The following LATS1 variants were observed in gnomAD, a reference collection of about 807,000 sequenced individuals.
LATS1 encodes the protein large tumor suppressor kinase 1, also known as serine/threonine-protein kinase LATS1.
Under a neutral mutation model 106.6 loss-of-function variants are expected in LATS1, and 25 were observed. That is an observed-to-expected ratio of 0.23 (90% CI 0.17 to 0.33). LATS1 has a LOEUF of 0.33. Among genes scored for constraint, LATS1 ranks in the 10% least tolerant of loss-of-function variants. LATS1 has a pLI of 1.00. For missense variants in LATS1, 1,040 were observed against 1,382.6 expected (o/e 0.75, Z 3.93); for synonymous variants, 465 against 455.6 (o/e 1.02, Z -0.26).
At chr6:149,682,913 C>A (rs1782134519) in intron 4 of LATS1, 166 bp downstream of exon 4, 2 of 588,242 alleles carry the variant, frequency 3.4e-6, no homozygotes, top group Non-Finnish European at 2.8e-6. Context: ...AAATAAAATG[C>A]TACAATCAAA....
intron 3 of LATS1, among the ~76,000 whole-genome samples, chr6:149,693,410 GA>G (rs978650569): frequency 6.6e-6 from 1 of 151,840 alleles, no homozygotes; most frequent in Non-Finnish European, 1.5e-5. Context: ...AGGAGTTCAA[GA>G]CCAGCATGGC....
At chr6:149,713,626 T>G (rs1429763030) in intron 1 of LATS1, among the ~76,000 whole-genome samples, 1 of 152,042 alleles carries the variant, frequency 6.6e-6, no homozygotes, top group Non-Finnish European at 1.5e-5. Flanking sequence ...CAGCACCATA[T>G]ATGATGCTCA....
intron 7 of LATS1, among the ~76,000 whole-genome samples, chr6:149,673,818 G>C (rs1307929199): frequency 6.6e-6 from 1 of 151,318 alleles, no homozygotes; most frequent in East Asian, 1.9e-4. Flanking sequence ...GGGACTACAG[G>C]TACCAGCCAC....
intron 2 of LATS1, among the ~76,000 whole-genome samples, chr6:149,697,866 G>A (rs1783190121): frequency 6.6e-6 from 1 of 152,140 alleles, no homozygotes; most frequent in South Asian, 2.1e-4. Flanking sequence ...CTCCAGAGAA[G>A]CTGGCATTTA....
At chr6:149,714,553 T>G (rs1582939210) in intron 1 of LATS1, among the ~76,000 whole-genome samples, 2 of 151,814 alleles carry the variant, frequency 1.3e-5, no homozygotes, top group Middle Eastern at 6.8e-3. Context: ...GCCAAAACTT[T>G]TGGAGTTATC....
In LATS1 at chr6:149,684,463, G is replaced by T; in HGVS notation, c.626C>A (p.Thr209Lys). 1 of 1,614,080 alleles carries T rather than the reference G, an allele frequency of 6.2e-7. No homozygotes were observed. The highest frequency in any genetic ancestry group is 8.5e-7 in the Non-Finnish European group (1 of 1,179,978). The change falls in exon 4 of 8, where the codon ACA becomes AAA. Residue 209 changes from threonine (T) to lysine (K), a missense_variant. Coordinates refer to ENST00000543571, the MANE Select transcript of LATS1 (RefSeq NM_004690.4). The stretch of plus-strand genomic sequence containing the variant: ...TCCAGACAAAGGTCTTCCTACATCT[G>T]TCTGTGAGTTGGGACTCTCAGAATG... ...AYHSESPNSQ[T>K]DVGRPLSGSG...
At position 149,680,142 on chromosome 6, in the gene LATS1, C is replaced by G; in HGVS notation, c.2326G>C (p.Asp776His). The stretch of plus-strand genomic sequence containing the variant: ...TAGTCCATTACAAAGTATAAATTGT[C>G]CTTATCTTGGAATGAATAATATAGA... ...VRLYYSFQDK[D>H]NLYFVMDYIP... is the part of the protein sequence containing the mutation. Residue 776 changes from aspartate to histidine, a missense_variant, in exon 5 of 8, where the codon GAC (aspartate) becomes CAC (histidine). Asp to His is a moderately conservative substitution (Grantham distance 81, BLOSUM62 -1). Transcript: ENST00000543571. 1 of 1,613,866 alleles carries G rather than the reference C, an allele frequency of 6.2e-7. No individual in the cohort carries two copies. The highest frequency in any genetic ancestry group is 8.5e-7 in the Non-Finnish European group (1 of 1,179,866).
At chr6:149,711,591 C>T (rs779683858) in intron 1 of LATS1, among the ~76,000 whole-genome samples, 3 of 151,936 alleles carry the variant, frequency 2.0e-5, no homozygotes, top group Admixed American at 1.3e-4. Context: ...CAAGTTCATA[C>T]TAAAAAAATC....
At chr6:149,687,873 CTT>C (rs1040108644) in intron 3 of LATS1, among the ~76,000 whole-genome samples, 13 of 133,850 alleles carry the variant, frequency 9.7e-5, no homozygotes, top group Non-Finnish European at 1.3e-4. Context: ...TGACCCTCCT[CTT>C]TTTTTTTTTT....
intron 1 of LATS1, among the ~76,000 whole-genome samples, chr6:149,705,944 G>A (rs1318809990): frequency 1.3e-5 from 2 of 151,996 alleles, no homozygotes; most frequent in Non-Finnish European, 2.9e-5. Flanking sequence ...AGCACTTTGG[G>A]AGGCCAAGGC....
chr6:149,707,600 A>G (rs759513628), intron 1 of LATS1, among the ~76,000 whole-genome samples: 7 of 152,172 alleles, frequency 4.6e-5, no homozygotes, highest in Non-Finnish European at 1.0e-4. Flanking sequence ...CCTAACATTG[A>G]GTGCACAAAG....
intron 7 of LATS1, among the ~76,000 whole-genome samples, chr6:149,675,314 C>G (rs1222829932): frequency 6.6e-6 from 1 of 151,648 alleles, no homozygotes; most frequent in African/African-American, 2.4e-5. Context: ...ACATTCCAGA[C>G]AGAGGGAACG....
chr6:149,676,498 T>G (rs1459883602), intron 6 of LATS1, 57 bp downstream of exon 6: 6 of 1,509,018 alleles, frequency 4.0e-6, no homozygotes, highest in Non-Finnish European at 5.5e-6. Flanking sequence ...CATATTCTAG[T>G]GTCGTTTTGG....
At chr6:149,674,486 C>A (rs1328479624) in intron 7 of LATS1, among the ~76,000 whole-genome samples, 1 of 152,118 alleles carries the variant, frequency 6.6e-6, no homozygotes, top group African/African-American at 2.4e-5. Flanking sequence ...ACCCTCCAAC[C>A]TTAGCCTCCC....
At chr6:149,702,341 T>C (rs1016122126) in intron 1 of LATS1, 75 bp from the exon 2 acceptor site, 11 of 457,806 alleles carry the variant, frequency 2.4e-5, no homozygotes, top group South Asian at 1.4e-4. Context: ...GAAAAGTCCA[T>C]TGATATAGGG....
intron 5 of LATS1, among the ~76,000 whole-genome samples, chr6:149,677,438 T>C (rs35031906): frequency 0.55 from 83,361 of 152,094 alleles, 26,601 homozygotes; most frequent in African/African-American, 0.85. Context: ...CAGGAATACA[T>C]GTGGGTTTTG....
intron 4 of LATS1, 74 bp downstream of exon 4, chr6:149,683,005 G>A (rs774018828): frequency 3.2e-5 from 38 of 1,182,308 alleles, no homozygotes; most frequent in Non-Finnish European, 4.5e-5. Context: ...AAAAATACTG[G>A]ACACAATATT....
At chr6:149,711,592 T>TA (rs1157066115) in intron 1 of LATS1, among the ~76,000 whole-genome samples, 1 of 152,082 alleles carries the variant, frequency 6.6e-6, no homozygotes, top group East Asian at 1.9e-4. Flanking sequence ...AAGTTCATAC[T>TA]AAAAAAATCT....
chr6:149,671,858 G>A (rs1473812238), intron 7 of LATS1, among the ~76,000 whole-genome samples: 1 of 151,768 alleles, frequency 6.6e-6, no homozygotes, highest in East Asian at 1.9e-4. Flanking sequence ...CAATGAACAT[G>A]GTATGTGTCT....
Sources: allele counts gnomAD v4.1 joint callset (sites outside exome capture counted in the v4.1 genomes callset), GRCh38; gene constraint gnomAD v4.1.1; transcripts MANE v1.5; gene names NCBI Gene and HGNC (gene_info 2026-07-23, HGNC 2026-07-21).